The following CD83 variants were observed in gnomAD, a reference collection of about 807,000 sequenced individuals.
CD83 encodes the protein CD83 antigen.
Under a neutral mutation model 24.6 loss-of-function variants are expected in CD83, and 22 were observed. The ratio of observed to expected loss-of-function variants is 0.90; its 90% CI spans 0.64 to 1.28. The LOEUF (loss-of-function observed/expected upper bound fraction) is 1.28. Among genes scored for constraint, CD83 ranks in the 50% most tolerant of loss-of-function variants. The pLI is 0.00. For synonymous variants in CD83, 101 were observed against 103.5 expected, an observed-to-expected ratio of 0.98 and a Z score of 0.14; for missense variants, 253 against 252.8, an observed-to-expected ratio of 1.00 and a Z score of -0.01.
rs769087444 is a variant in CD83, at chr6:14,129,126, A to T, written c.154-2394A>T. On this transcript the variant is annotated intron_variant, in intron 2 of 4. Coordinates refer to ENST00000379153, the MANE Select transcript of CD83 (RefSeq NM_004233.4). The surrounding 1 kb of genome is among the most constrained non-coding windows in gnomAD (Gnocchi z 4.3). ...GCTTCCCAGGAGAAAACCATGGGTGAATAATCTCAAAACGGTTGTTGCAGC... is the reference window on the plus strand; with the variant it reads ...GCTTCCCAGGAGAAAACCATGGGTGTATAATCTCAAAACGGTTGTTGCAGC... Among the ~76,000 whole-genome samples, 1 of 152,214 alleles carries T rather than the reference A, an allele frequency of 6.6e-6. No homozygotes were observed. The highest frequency in any genetic ancestry group is 1.5e-5 in the Non-Finnish European group (1 of 68,032).
At position 14,135,276 on chromosome 6, in the gene CD83, C is replaced by T. The variant is rs370325632; in HGVS notation, c.*40C>T. Reference sequence around the variant, plus strand: ...GGTTCTTCTTCCTGAAGCTGAGGCTCAGGGGTGTGCCTGTCTGTTACACTG... The same window carrying T: ...GGTTCTTCTTCCTGAAGCTGAGGCTTAGGGGTGTGCCTGTCTGTTACACTG... On this transcript the variant is annotated 3_prime_UTR_variant, in exon 5 of 5. Transcript: ENST00000379153. The T allele has an allele frequency of 4.4e-5, 70 of 1,605,808 alleles. No individual in the cohort carries two copies. Among genetic ancestry groups the T allele is most frequent in the Non-Finnish European group, 5.5e-5 (65 of 1,174,732 alleles).
chr6:14,120,068 G>A (rs527878143), intron 2 of CD83, among the ~76,000 whole-genome samples: 4 of 152,326 alleles, frequency 2.6e-5, no homozygotes, highest in African/African-American at 9.6e-5. Context: ...AGGGACAGCA[G>A]TCTCTAGGCG....
At chr6:14,133,060 A>T (rs1389092583) in intron 3 of CD83, among the ~76,000 whole-genome samples, 1 of 152,226 alleles carries the variant, frequency 6.6e-6, no homozygotes, top group Non-Finnish European at 1.5e-5. Flanking sequence ...CCACCCAACC[A>T]TGCTGGCACC....
intron 2 of CD83, among the ~76,000 whole-genome samples, chr6:14,120,305 T>C (rs776964433): frequency 7.9e-5 from 12 of 152,238 alleles, no homozygotes; most frequent in Admixed American, 2.0e-4. Context: ...CCAATAATTA[T>C]ACTTTTTCAT....
intron 2 of CD83, among the ~76,000 whole-genome samples, chr6:14,122,747 T>C (rs916379711): frequency 6.6e-6 from 1 of 152,264 alleles, no homozygotes; most frequent in African/African-American, 2.4e-5. Context: ...TAAAGTTGCT[T>C]TTCAGATGTC....
At position 14,135,280 on chromosome 6, in the gene CD83, G is replaced by A; in HGVS notation, c.*44G>A. The A allele has an allele frequency of 6.3e-7, 1 of 1,598,150 alleles. No homozygotes were observed. The highest frequency in any genetic ancestry group is 8.6e-7 in the Non-Finnish European group (1 of 1,168,466). On this transcript the variant is annotated 3_prime_UTR_variant, in exon 5 of 5. Transcript: ENST00000379153. ...CTTCTTCCTGAAGCTGAGGCTCAGGGGTGTGCCTGTCTGTTACACTGGAGG... is the reference window on the plus strand; with the variant it reads ...CTTCTTCCTGAAGCTGAGGCTCAGGAGTGTGCCTGTCTGTTACACTGGAGG...
Position 14,135,530 on chromosome 6 carries a change from T to C in CD83, c.*294T>C, listed in dbSNP as rs538871670. On this transcript the variant is annotated 3_prime_UTR_variant, in exon 5 of 5. Coordinates refer to ENST00000379153, the MANE Select transcript of CD83 (RefSeq NM_004233.4). ...CATTTTTTCAGTCATATAAAAGCTA[T>C]GGTGAGATGCAGCTGGAAAAGGGTC... 5.7e-5 allele frequency: 18 copies of C among 313,374 alleles called. 1 individual carries two copies. The South Asian group carries it at 1.5e-3, about 26-fold the overall frequency. 19.4% of individuals were successfully genotyped at this position (313,374 alleles called of 1,614,324 possible). A position where few individuals can be genotyped will look rare whatever the true frequency, so the allele number is the denominator to read the frequency against.
intron 2 of CD83, among the ~76,000 whole-genome samples, chr6:14,119,269 T>C (rs1759616161): frequency 6.6e-6 from 1 of 152,234 alleles, no homozygotes; most frequent in Non-Finnish European, 1.5e-5. Context: ...GAGCATTGTA[T>C]TGTGTATAAA....
chr6:14,126,840 G>A (rs1162019573), intron 2 of CD83, among the ~76,000 whole-genome samples: 1 of 152,042 alleles, frequency 6.6e-6, no homozygotes, highest in Admixed American at 6.6e-5. Context: ...AATGTGGTTG[G>A]AATACATCAG....
At chr6:14,117,738 G>T, upstream of CD83, 1 of 1,118,668 alleles carries the variant, frequency 8.9e-7, no homozygotes, top group African/African-American at 1.6e-5. The surrounding 1 kb of genome is among the most constrained non-coding windows in gnomAD (Gnocchi z 4.6). Context: ...TCCCGAACGC[G>T]CGGGCATAAA....
At chr6:14,134,838 A>G (rs1758006025) in intron 4 of CD83, among the ~76,000 whole-genome samples, 1 of 152,258 alleles carries the variant, frequency 6.6e-6, no homozygotes, top group African/African-American at 2.4e-5. Context: ...TCTTGTTGGA[A>G]AATGCCTGCT....
upstream of CD83, chr6:14,117,443 G>A (rs1046529348): frequency 1.3e-5 from 2 of 151,996 alleles, no homozygotes; most frequent in Non-Finnish European, 2.9e-5. The surrounding 1 kb of genome is among the most constrained non-coding windows in gnomAD (Gnocchi z 4.6). Context: ...CGTCACGCGC[G>A]CGAGCGCGGT....
chr6:14,123,131 C>G (rs1759708947), intron 2 of CD83, among the ~76,000 whole-genome samples: 1 of 147,972 alleles, frequency 6.8e-6, no homozygotes, highest in South Asian at 2.1e-4. Context: ...GAGTTTTGCT[C>G]TTGTCGCCCA....
intron 2 of CD83, among the ~76,000 whole-genome samples, chr6:14,130,141 G>A (rs1488085213): frequency 6.6e-6 from 1 of 152,054 alleles, no homozygotes; most frequent in African/African-American, 2.4e-5. Flanking sequence ...ACTTAATCCT[G>A]GGCTCCCTGC....
At position 14,118,070 on chromosome 6, in the gene CD83, G is replaced by C. The variant is rs749015030; in HGVS notation, c.153+5G>C. The C allele has an allele frequency of 1.3e-6, 2 of 1,594,624 alleles. No individual in the cohort carries two copies. Among genetic ancestry groups the C allele is most frequent in the Non-Finnish European group, 8.6e-7 (1 of 1,169,272 alleles). ...TACACGGTCTCCTGGGTCAAGGTAGGTGCTGCGATACCCACGGGCTGGGGT... is the reference window on the plus strand; with the variant it reads ...TACACGGTCTCCTGGGTCAAGGTAGCTGCTGCGATACCCACGGGCTGGGGT... On this transcript the variant is annotated splice_donor_5th_base_variant and intron_variant, in intron 2 of 4. Transcript: ENST00000379153.
Position 14,133,718 on chromosome 6 carries a change from TG to T in CD83, c.454del (p.Val152LeufsTer5). ...GCGGAGATTGTCCTGCTGCTGGCTC[TG>T]GTTATTTTCTACTTAACACTCATCA... ...YRAEIVLLLALVIFYLTLIIF... is the reference protein window; with the variant it reads ...YRAEIVLLLAXVIFYLTLIIF... On this transcript the variant is annotated frameshift_variant, in exon 4 of 5. Coordinates refer to ENST00000379153, the MANE Select transcript of CD83 (RefSeq NM_004233.4). LOFTEE classifies it high-confidence loss of function. 1 of 1,613,614 alleles carries T rather than the reference TG, an allele frequency of 6.2e-7. No homozygotes were observed. Among genetic ancestry groups the T allele is most frequent in the Non-Finnish European group, 8.5e-7 (1 of 1,179,566 alleles).
At position 14,133,307 on chromosome 6, in the gene CD83, C is replaced by T. The variant is rs557500863; in HGVS notation, c.383-342C>T. Among the ~76,000 whole-genome samples the T allele has an allele frequency of 2.6e-5, 4 of 152,356 alleles. No homozygotes were observed. The South Asian group carries it at 8.3e-4, about 32-fold the overall frequency. ...ACATCCGAAGTGCAGGCAGACAGGCCGCAGGATAAGCCTGGACCAGCTGTC... is the reference window on the plus strand; with the variant it reads ...ACATCCGAAGTGCAGGCAGACAGGCTGCAGGATAAGCCTGGACCAGCTGTC... On this transcript the variant is annotated intron_variant, in intron 3 of 4. Transcript: ENST00000379153.
chr6:14,133,852 T>C (rs9296925), intron 4 of CD83, 97 bp downstream of exon 4: 369,544 of 757,554 alleles, frequency 0.49, 91,611 homozygotes, highest in Non-Finnish European at 0.52. Context: ...TTAATAATGG[T>C]GAGAGAGATT....
At chr6:14,122,142 A>G (rs546229192) in intron 2 of CD83, among the ~76,000 whole-genome samples, 15 of 152,264 alleles carry the variant, frequency 9.9e-5, no homozygotes, top group Admixed American at 3.9e-4. Flanking sequence ...ACTTCATATA[A>G]AAGTCTACTA....
Sources: allele counts gnomAD v4.1 joint callset (sites outside exome capture counted in the v4.1 genomes callset), GRCh38; gene constraint gnomAD v4.1.1; non-coding constraint Gnocchi (gnomAD v3.1); transcripts MANE v1.5; gene names NCBI Gene and HGNC (gene_info 2026-07-23, HGNC 2026-07-21).